Variants in UNC93A observed in about 807,000 individuals in gnomAD.
The protein encoded by UNC93A is N-acetylglucosamine transporter UNC93A.
UNC93A carries 43 observed loss-of-function variants against 47.5 expected under a neutral mutation model. The ratio of observed to expected loss-of-function variants is 0.91; its 90% CI spans 0.71 to 1.17. The LOEUF (loss-of-function observed/expected upper bound fraction) is 1.17, where lower values mean the gene tolerates loss of function less well. Ranked by LOEUF, UNC93A falls within the 50% of genes most tolerant of loss-of-function variation. The probability of loss-of-function intolerance (pLI) is 0.00; values close to 1 mark genes in which losing one functional copy is unlikely to be tolerated. For synonymous variants in UNC93A, 280 were observed against 258.0 expected (o/e 1.09, Z -0.82); for missense variants, 605 against 577.6 (o/e 1.05, Z -0.49).
chr6:167,276,996 C>T (rs1473448031), intron 1 of UNC93A, among the ~76,000 whole-genome samples: 3 of 152,262 alleles, frequency 2.0e-5, no homozygotes, highest in Non-Finnish European at 4.4e-5. Context: ...ACAGACAACG[C>T]CCACCCTCCT....
intron 5 of UNC93A, among the ~76,000 whole-genome samples, chr6:167,305,656 C>A (rs1196741625): frequency 1.3e-5 from 2 of 152,126 alleles, no homozygotes; most frequent in East Asian, 1.9e-4. Context: ...CATTTCACAG[C>A]AAATAGTGAG....
chr6:167,306,170 G>A (rs1778385736), intron 6 of UNC93A, 120 bp downstream of exon 6: 9 of 1,357,040 alleles, frequency 6.6e-6, no homozygotes, highest in South Asian at 6.5e-5. Flanking sequence ...AATCAGTAAC[G>A]CCCTGTAAGA....
chr6:167,284,022 C>T (rs1023194896), intron 1 of UNC93A, among the ~76,000 whole-genome samples: 6 of 152,194 alleles, frequency 3.9e-5, no homozygotes, highest in Non-Finnish European at 8.8e-5. Flanking sequence ...AGAGCCTGTA[C>T]GTTCTACTAA....
chr6:167,313,551 T>C (rs1174910630), intron 7 of UNC93A, among the ~76,000 whole-genome samples: 1 of 152,050 alleles, frequency 6.6e-6, no homozygotes, highest in Non-Finnish European at 1.5e-5. Flanking sequence ...AGGACAACGA[T>C]TTCTAATCAC....
intron 1 of UNC93A, among the ~76,000 whole-genome samples, chr6:167,275,967 A>G (rs905445048): frequency 3.3e-5 from 5 of 151,410 alleles, no homozygotes; most frequent in Admixed American, 3.3e-4. Context: ...TCCATCACAC[A>G]TCTCTCCCTA....
upstream of UNC93A, among the ~76,000 whole-genome samples, chr6:167,287,755 G>C (rs58002695): frequency 5.9e-5 from 9 of 152,200 alleles, no homozygotes; most frequent in African/African-American, 2.2e-4. Flanking sequence ...GTGTGTGTGT[G>C]TGTGCACTGT....
chr6:167,294,019 C>T (rs761264786), intron 1 of UNC93A, among the ~76,000 whole-genome samples: 14 of 152,200 alleles, frequency 9.2e-5, no homozygotes, highest in Non-Finnish European at 1.8e-4. Flanking sequence ...TAGACAGTGA[C>T]GGGCACTCGG....
chr6:167,286,125 C>T (rs775552946), intron 1 of UNC93A, among the ~76,000 whole-genome samples: 2 of 148,958 alleles, frequency 1.3e-5, no homozygotes, highest in Non-Finnish European at 3.0e-5. Context: ...TGCATATATA[C>T]AAAATGTGTA....
chr6:167,281,074 C>A (rs1251949381), intron 1 of UNC93A, among the ~76,000 whole-genome samples: 1 of 152,100 alleles, frequency 6.6e-6, no homozygotes, highest in Non-Finnish European at 1.5e-5. Context: ...CAAGAGGAGC[C>A]TCAGGCGGTA....
intron 4 of UNC93A, among the ~76,000 whole-genome samples, chr6:167,299,851 C>G (rs1023805165): frequency 1.3e-5 from 2 of 152,178 alleles, no homozygotes; most frequent in Admixed American, 6.5e-5. Flanking sequence ...AGCTGTGGCC[C>G]TTGATGTTGT....
At chr6:167,305,075 C>T (rs1472542913) in intron 5 of UNC93A, among the ~76,000 whole-genome samples, 2 of 151,950 alleles carry the variant, frequency 1.3e-5, no homozygotes, top group East Asian at 3.9e-4. Flanking sequence ...CTGGCAGAGG[C>T]TCTCCTTCCG....
At chr6:167,292,024 T>C (rs1288052921) in intron 1 of UNC93A, among the ~76,000 whole-genome samples, 3 of 152,206 alleles carry the variant, frequency 2.0e-5, no homozygotes, top group Non-Finnish European at 4.4e-5. Context: ...TTTGACAACA[T>C]GATCTCTCTA....
In UNC93A at chr6:167,307,509, C is replaced by T. The variant is rs749607644; in HGVS notation, c.977-270C>T. ...CAGAGGATGGTTGAGATGGTTGAGA[C>T]GGTTCCAGAGGACAATTCCAGAGGA... On this transcript the variant is annotated intron_variant, in intron 6 of 7. Coordinates refer to ENST00000230256, the MANE Select transcript of UNC93A (RefSeq NM_018974.4). Among the ~76,000 whole-genome samples the T allele has an allele frequency of 3.1e-3, 182 of 59,172 alleles. 2 individuals are homozygous for T. Among genetic ancestry groups the T allele is most frequent in the Admixed American group, 4.2e-3 (26 of 6,152 alleles). 38.8% of individuals were successfully genotyped at this position (59,172 alleles called of 152,430 possible). A position where few individuals can be genotyped will look rare whatever the true frequency, so the allele number is the denominator to read the frequency against.
upstream of UNC93A, among the ~76,000 whole-genome samples, chr6:167,289,601 T>G (rs1031852333): frequency 6.6e-6 from 1 of 151,682 alleles, no homozygotes; most frequent in Non-Finnish European, 1.5e-5. Context: ...AGGCATAGGC[T>G]GGTGAAGGGG....
chr6:167,273,350 C>T (rs922596182), intron 1 of UNC93A, among the ~76,000 whole-genome samples: 8 of 150,436 alleles, frequency 5.3e-5, no homozygotes, highest in South Asian at 2.1e-4. Flanking sequence ...CTGCCTCCAT[C>T]GGGTGTGGAG....
chr6:167,292,915 G>A (rs1346021236), intron 1 of UNC93A, among the ~76,000 whole-genome samples: 2 of 151,882 alleles, frequency 1.3e-5, no homozygotes, highest in Admixed American at 6.6e-5. Flanking sequence ...CCTAGGAACC[G>A]ACAGCTCCCC....
chr6:167,283,752 C>A (rs1267428368), intron 1 of UNC93A, among the ~76,000 whole-genome samples: 1 of 152,036 alleles, frequency 6.6e-6, no homozygotes, highest in African/African-American at 2.4e-5. Context: ...TAACAGAGAC[C>A]CTTCATCATG....
Position 167,297,942 on chromosome 6 carries a change from TAG to T in UNC93A, c.501_502del. On this transcript the variant is annotated splice_acceptor_variant, in intron 3 of 7. Coordinates refer to ENST00000230256, the MANE Select transcript of UNC93A (RefSeq NM_018974.4). LOFTEE classifies it high-confidence loss of function. ...ATGTCTCCTGTCCACTCTGACTTCA[TAG>T]AGACCCTTCCAGAAGAGCAGCTCAC... 1 of 1,613,864 alleles carries T rather than the reference TAG, an allele frequency of 6.2e-7. No homozygotes were observed. The highest frequency in any genetic ancestry group is 8.5e-7 in the Non-Finnish European group (1 of 1,179,938).
intron 1 of UNC93A, among the ~76,000 whole-genome samples, chr6:167,278,656 T>A (rs1172609510): frequency 1.3e-5 from 2 of 152,128 alleles, no homozygotes; most frequent in African/African-American, 4.8e-5. Flanking sequence ...CCCCTGAAAC[T>A]CAGGGCTGCA....
Sources: gnomAD v4.1 joint callset for allele counts (sites outside exome capture counted in the v4.1 genomes callset) on GRCh38, gnomAD v4.1.1 for gene constraint, MANE v1.5 for transcripts, NCBI Gene and HGNC (gene_info 2026-07-23, HGNC 2026-07-21) for gene names.